Variants in CYP27A1 observed in about 807,000 individuals in gnomAD.
CYP27A1 encodes the protein sterol 26-hydroxylase, mitochondrial.
Under a neutral mutation model 58.2 loss-of-function variants are expected in CYP27A1, and 46 were observed. The ratio of observed to expected loss-of-function variants is 0.79; its 90% CI spans 0.62 to 1.01. CYP27A1 has a LOEUF of 1.01. CYP27A1 is among the 50% of genes least tolerant of loss of function. The pLI, the probability that CYP27A1 is intolerant of heterozygous loss-of-function variation, is 0.00. For synonymous variants in CYP27A1, 274 were observed against 285.1 expected (o/e 0.96, Z 0.39); for missense variants, 704 against 687.0 (o/e 1.02, Z -0.28).
In CYP27A1 at chr2:218,782,234, C is replaced by T. The variant is rs1284837909; in HGVS notation, c.52C>T (p.Arg18Cys). The change falls in exon 1 of 9, where the codon CGT (arginine) becomes TGT (cysteine). Residue 18 changes from arginine (R) to cysteine (C), a missense_variant. Arg to Cys is a radical substitution (Grantham distance 180). Coordinates refer to ENST00000258415, the MANE Select transcript of CYP27A1 (RefSeq NM_000784.4). This position sits in a 1 kb window ranked among gnomAD's most constrained non-coding sequence, Gnocchi z 4.1. ...RLRWALRGAG[R>C]GLCPHGARAK... ...GAGGTGGGCGCTGCGAGGGGCCGGC[C>T]GTGGCCTCTGCCCCCACGGGGCCAG... 2 of 1,544,886 alleles carry T rather than the reference C, an allele frequency of 1.3e-6. No individual in the cohort carries two copies. The highest frequency in any genetic ancestry group is 1.7e-6 in the Non-Finnish European group (2 of 1,147,190).
At chr2:218,802,602 T>C (rs1375727677) in intron 1 of CYP27A1, among the ~76,000 whole-genome samples, 2 of 152,170 alleles carry the variant, frequency 1.3e-5, no homozygotes, top group Non-Finnish European at 2.9e-5. Context: ...GGAAGAAAAA[T>C]AGTACTCCAT....
chr2:218,815,039 T>A lies in CYP27A1; in HGVS notation c.*9T>A, dbSNP rs1201061844. On this transcript the variant is annotated 3_prime_UTR_variant, in exon 9 of 9. Transcript: ENST00000258415. ...TGCAGAGACAGTGCTGAGCTGAGTC[T>A]CCGCCTTGCTGGGGCTTGTCCTAGA... The A allele has an allele frequency of 6.2e-7, 1 of 1,614,154 alleles. No individual in the cohort carries two copies. Among genetic ancestry groups the A allele is most frequent in the Admixed American group, 1.7e-5 (1 of 60,028 alleles).
rs763008570 is a variant in CYP27A1, at chr2:218,813,100, C to T, written c.1017+4C>T. ...GCTCATGGCTGGAGTGGACACGGTG[C>T]GTGAAGGGGGAGGGTGAGACCAGGG... On this transcript the variant is annotated splice_donor_region_variant and intron_variant, in intron 5 of 8. Transcript: ENST00000258415. 4.4e-6 allele frequency: 7 copies of T among 1,606,876 alleles called. No individual in the cohort carries two copies. The highest frequency in any genetic ancestry group is 1.7e-5 in the Admixed American group (1 of 59,516).
chr2:218,812,033 G>A (rs1014410998), intron 2 of CYP27A1, among the ~76,000 whole-genome samples, 189 bp from the exon 3 acceptor site: 6 of 152,200 alleles, frequency 3.9e-5, no homozygotes, highest in Admixed American at 1.3e-4. Context: ...GCTATAGCGA[G>A]ATTCTGGTTT....
Position 218,809,656 on chromosome 2 carries a change from C to G in CYP27A1, c.335C>G (p.Pro112Arg), listed in dbSNP as rs531504325. 1 of 1,614,116 alleles carries G rather than the reference C, an allele frequency of 6.2e-7. No homozygotes were observed. Among genetic ancestry groups the G allele is most frequent in the Non-Finnish European group, 8.5e-7 (1 of 1,180,016 alleles). ...ATGCACGTGAACCTGGCCAGTGCCC[C>G]GCTCTTGGAGCAAGTGATGCGGCAA... ...PQMHVNLASAPLLEQVMRQEG... is the reference protein window; with the variant it reads ...PQMHVNLASARLLEQVMRQEG... Residue 112 changes from proline to arginine, a missense_variant, in exon 2 of 9, where the codon CCG becomes CGG. Physicochemically the swap from Pro to Arg is moderately radical, Grantham distance 103. Transcript: ENST00000258415.
At chr2:218,796,486 T>G (rs1575200646) in intron 1 of CYP27A1, among the ~76,000 whole-genome samples, 2 of 151,904 alleles carry the variant, frequency 1.3e-5, no homozygotes, top group African/African-American at 4.8e-5. Flanking sequence ...TCCAGCTACT[T>G]GGGAAGCTGA....
rs1159899670 is a variant in CYP27A1, at chr2:218,782,262, C to T, written c.80C>T (p.Ala27Val). 1.3e-6 allele frequency: 2 copies of T among 1,563,180 alleles called. No homozygotes were observed. Among genetic ancestry groups the T allele is most frequent in the Non-Finnish European group, 1.7e-6 (2 of 1,155,160 alleles). ...GRGLCPHGAR[A>V]KAAIPAALPS... ...GGCCTCTGCCCCCACGGGGCCAGAG[C>T]CAAGGCCGCGATCCCTGCCGCCCTC... Residue 27 changes from alanine (A) to valine (V), a missense_variant, in exon 1 of 9, where the codon GCC (alanine) becomes GTC (valine). Coordinates refer to ENST00000258415, the MANE Select transcript of CYP27A1 (RefSeq NM_000784.4). The surrounding 1 kb of genome is among the most constrained non-coding windows in gnomAD (Gnocchi z 4.1).
In CYP27A1 at chr2:218,812,713, C is replaced by CGAT. The variant is rs1553616289; in HGVS notation, c.809_811dup (p.Arg270_Tyr271insTer). 6.2e-7 allele frequency: 1 copy of CGAT among 1,614,098 alleles called. No homozygotes were observed. The highest frequency in any genetic ancestry group is 8.5e-7 in the Non-Finnish European group (1 of 1,180,040). On this transcript the variant is annotated stop_gained and inframe_insertion, in exon 4 of 9. Coordinates refer to ENST00000258415, the MANE Select transcript of CYP27A1 (RefSeq NM_000784.4). LOFTEE classifies it high-confidence loss of function. ...TCGCCCCGTGCTGCCTTTCTGGAAG[C>CGAT]GATACCTGGATGGTTGGAATGCCAT...
rs372869132 is a variant in CYP27A1 at position 218,787,313 on chromosome 2, G to A, written c.255+4876G>A. Among the ~76,000 whole-genome samples the A allele has an allele frequency of 1.3e-5, 2 of 152,170 alleles. 1 individual carries two copies. The highest frequency in any genetic ancestry group is 4.1e-4 in the South Asian group (2 of 4,832). Reference sequence around the variant, plus strand: ...CCCAGCTCCCTGATCTGGGTTGTTTGACATAATATAGAGTGAAGAAAAGAC... The same window carrying A: ...CCCAGCTCCCTGATCTGGGTTGTTTAACATAATATAGAGTGAAGAAAAGAC... On this transcript the variant is annotated intron_variant, in intron 1 of 8. Coordinates refer to ENST00000258415, the MANE Select transcript of CYP27A1 (RefSeq NM_000784.4).
chr2:218,786,079 G>T (rs1431641172), intron 1 of CYP27A1, among the ~76,000 whole-genome samples: 1 of 152,196 alleles, frequency 6.6e-6, no homozygotes, highest in Admixed American at 6.5e-5. Context: ...TTGAGTTCAG[G>T]AGTTTGAGAC....
Position 218,815,008 on chromosome 2 carries a change from A to G in CYP27A1, c.1574A>G (p.Gln525Arg), listed in dbSNP as rs1221846731. The change falls in exon 9 of 9, where the codon CAG (glutamine) becomes CGG (arginine). Residue 525 changes from glutamine to arginine, a missense_variant. Physicochemically the swap from Gln to Arg is conservative, Grantham distance 43. Coordinates refer to ENST00000258415, the MANE Select transcript of CYP27A1 (RefSeq NM_000784.4). ...VLVPNKKVGL[Q>R]FLQRQC ...GTTCCCAATAAGAAAGTGGGCCTGCAGTTCCTGCAGAGACAGTGCTGAGCT... is the reference window on the plus strand; with the variant it reads ...GTTCCCAATAAGAAAGTGGGCCTGCGGTTCCTGCAGAGACAGTGCTGAGCT... The G allele has an allele frequency of 3.1e-6, 5 of 1,614,232 alleles. No individual in the cohort carries two copies. The highest frequency in any genetic ancestry group is 1.3e-5 in the African/African-American group (1 of 75,070).
chr2:218,791,003 G>C (rs1943487357), intron 1 of CYP27A1, among the ~76,000 whole-genome samples: 1 of 151,958 alleles, frequency 6.6e-6, no homozygotes, highest in Non-Finnish European at 1.5e-5. Context: ...GCCCAGCCAA[G>C]TTTTGTATTT....
At chr2:218,813,831 A>T (rs1943749742) in intron 5 of CYP27A1, among the ~76,000 whole-genome samples, 190 bp from the exon 6 acceptor site, 1 of 151,962 alleles carries the variant, frequency 6.6e-6, no homozygotes, top group Non-Finnish European at 1.5e-5. Context: ...ATTCTTCATC[A>T]TATCGGCCCT....
intron 1 of CYP27A1, among the ~76,000 whole-genome samples, chr2:218,806,672 C>G (rs941050373): frequency 6.6e-6 from 1 of 152,216 alleles, no homozygotes; most frequent in African/African-American, 2.4e-5. Flanking sequence ...AGCATGGCCT[C>G]CAGCCAGGTG....
chr2:218,788,798 T>G (rs1943464658), intron 1 of CYP27A1, among the ~76,000 whole-genome samples: 1 of 152,246 alleles, frequency 6.6e-6, no homozygotes. Context: ...GTTAACACAT[T>G]CTTTCTTCAG....
intron 5 of CYP27A1, 47 bp downstream of exon 5, chr2:218,813,143 T>A (rs1943743283): frequency 6.5e-7 from 1 of 1,550,298 alleles, no homozygotes; most frequent in African/African-American, 1.4e-5. Flanking sequence ...GCTCCCAACC[T>A]GAACCAGTTC....
In CYP27A1 at chr2:218,815,281, A is replaced by G; in HGVS notation, c.*251A>G. The G allele has an allele frequency of 2.0e-6, 1 of 499,800 alleles. No individual in the cohort carries two copies. The highest frequency in any genetic ancestry group is 2.1e-5 in the South Asian group (1 of 48,226). 31.0% of individuals were successfully genotyped at this position (499,800 alleles called of 1,614,324 possible). On this transcript the variant is annotated 3_prime_UTR_variant, in exon 9 of 9. Coordinates refer to ENST00000258415, the MANE Select transcript of CYP27A1 (RefSeq NM_000784.4). ...TAGAATATAAAATAAAGGGACTTTTATTTCTTATTGGAGACCTTTGTCATT... is the reference window on the plus strand; with the variant it reads ...TAGAATATAAAATAAAGGGACTTTTGTTTCTTATTGGAGACCTTTGTCATT...
rs72551322 is a variant in CYP27A1, at chr2:218,814,716, C to G, written c.1435C>G (p.Arg479Gly). The change falls in exon 8 of 9, where the codon CGC becomes GGC. Residue 479 changes from arginine to glycine, a missense_variant. Physicochemically the swap from Arg to Gly is moderately radical, Grantham distance 125. Coordinates refer to ENST00000258415, the MANE Select transcript of CYP27A1 (RefSeq NM_000784.4). ...FGYGVRACLG[R>G]RIAELEMQLL... ...CTATGGGGTCCGGGCCTGCCTGGGCCGCAGGATTGCAGAGCTGGAGATGCA... is the reference window on the plus strand; with the variant it reads ...CTATGGGGTCCGGGCCTGCCTGGGCGGCAGGATTGCAGAGCTGGAGATGCA... 2.5e-5 allele frequency: 41 copies of G among 1,614,026 alleles called. No individual in the cohort carries two copies. Among genetic ancestry groups the G allele is most frequent in the Admixed American group, 3.3e-5 (2 of 60,002 alleles).
In CYP27A1 at chr2:218,805,229, C is replaced by T. The variant is rs1158870795; in HGVS notation, c.256-4348C>T. The stretch of plus-strand genomic sequence containing the variant: ...TCTTCCAGGTTCTTAAAACTCTAGA[C>T]GAGCTACTGTTAACAAGTTTCCTAC... On this transcript the variant is annotated intron_variant, in intron 1 of 8. Coordinates refer to ENST00000258415, the MANE Select transcript of CYP27A1 (RefSeq NM_000784.4). Among the ~76,000 whole-genome samples the T allele has an allele frequency of 6.6e-5, 10 of 152,162 alleles. No homozygotes were observed. The East Asian group carries it at 1.2e-3, about 18-fold the overall frequency.
Sources: gnomAD v4.1 joint callset for allele counts (sites outside exome capture counted in the v4.1 genomes callset) on GRCh38, gnomAD v4.1.1 for gene constraint, Gnocchi (gnomAD v3.1) non-coding constraint, MANE v1.5 for transcripts, NCBI Gene and HGNC (gene_info 2026-07-23, HGNC 2026-07-21) for gene names.